ZNF804B: variants seen among roughly 807,000 people sequenced by gnomAD.
The protein encoded by ZNF804B is zinc finger protein 804B, also known as zinc finger 804B.
In ZNF804B, 80 loss-of-function variants were observed where a neutral mutation model predicts 101.4. That is an observed-to-expected ratio of 0.79 (90% confidence interval 0.66 to 0.95). The LOEUF (loss-of-function observed/expected upper bound fraction) is 0.95. ZNF804B is among the 40% of genes least tolerant of loss of function. The probability of loss-of-function intolerance (pLI) is 0.00; values close to 1 mark genes in which losing one functional copy is unlikely to be tolerated. For missense variants in ZNF804B, 1,673 were observed against 1,561.9 expected, an observed-to-expected ratio of 1.07 and a Z score of -1.20; for synonymous variants, 622 against 558.8, an observed-to-expected ratio of 1.11 and a Z score of -1.59.
chr7:89,285,080 A>G (rs1047218005), intron 2 of ZNF804B, among the ~76,000 whole-genome samples: 3 of 151,968 alleles, frequency 2.0e-5, no homozygotes. Flanking sequence ...ATAGCCAGGC[A>G]TGGTGGTGCA....
chr7:89,035,202 G>A (rs1292728799), intron 1 of ZNF804B, among the ~76,000 whole-genome samples: 2 of 152,014 alleles, frequency 1.3e-5, no homozygotes, highest in East Asian at 3.9e-4. Context: ...CCCACCTGCT[G>A]AAAAGAAAGA....
intron 1 of ZNF804B, among the ~76,000 whole-genome samples, chr7:88,800,990 C>A (rs12672498): frequency 6.1e-5 from 9 of 147,452 alleles, no homozygotes; most frequent in Non-Finnish European, 1.2e-4. Flanking sequence ...AAAGAAGAGG[C>A]TAACTCACAG....
At chr7:89,126,370 G>T (rs904972367) in intron 1 of ZNF804B, among the ~76,000 whole-genome samples, 1 of 151,858 alleles carries the variant, frequency 6.6e-6, no homozygotes, top group African/African-American at 2.4e-5. Context: ...GAATTACACC[G>T]TCTTGAGACT....
chr7:89,166,369 A>C (rs1791144037), intron 1 of ZNF804B, among the ~76,000 whole-genome samples: 1 of 152,320 alleles, frequency 6.6e-6, no homozygotes, highest in Non-Finnish European at 1.5e-5. Flanking sequence ...TACCAATAAC[A>C]ATATATTAAC....
intron 1 of ZNF804B, among the ~76,000 whole-genome samples, chr7:88,904,464 A>C (rs1247544086): frequency 6.6e-6 from 1 of 152,098 alleles, no homozygotes; most frequent in Non-Finnish European, 1.5e-5. Flanking sequence ...TGAATTAAAA[A>C]ATTTTTTTTC....
chr7:89,279,890 G>A (rs1790057237), intron 2 of ZNF804B, among the ~76,000 whole-genome samples: 2 of 152,074 alleles, frequency 1.3e-5, no homozygotes, highest in African/African-American at 4.8e-5. Flanking sequence ...ATTGAACTCA[G>A]CTCTGCACCA....
intron 1 of ZNF804B, among the ~76,000 whole-genome samples, chr7:88,868,431 A>G (rs989419634): frequency 5.3e-5 from 8 of 152,204 alleles, no homozygotes; most frequent in Admixed American, 3.3e-4. Flanking sequence ...CTCAACTGTT[A>G]TTCCTTAGTT....
chr7:89,307,999 TAATAA>T (rs1299541475), intron 2 of ZNF804B, among the ~76,000 whole-genome samples: 2 of 152,086 alleles, frequency 1.3e-5, no homozygotes, highest in African/African-American at 4.8e-5. Context: ...CAAATGTGCT[TAATAA>T]ATAGAGTTGT....
intron 1 of ZNF804B, among the ~76,000 whole-genome samples, chr7:88,902,956 CTT>C (rs1412082487): frequency 6.6e-6 from 1 of 151,936 alleles, no homozygotes; most frequent in Non-Finnish European, 1.5e-5. Flanking sequence ...AAAATTTCAA[CTT>C]TTATTTTACA....
In ZNF804B at chr7:89,055,172, G is replaced by A. The variant is rs758090116; in HGVS notation, c.109-162983G>A. Among the ~76,000 whole-genome samples, 41 of 152,104 alleles carry A rather than the reference G, an allele frequency of 2.7e-4. 1 individual carries two copies. Among genetic ancestry groups the A allele is most frequent in the Non-Finnish European group, 5.9e-4 (40 of 68,016 alleles). On this transcript the variant is annotated intron_variant, in intron 1 of 3. Transcript: ENST00000333190. ...GACTTGACCAAGAAAGTTCGGTTAT[G>A]GGGAAATCTGTGGCAGAGGGAAGAA...
At chr7:88,853,040 T>G (rs1234737643) in intron 1 of ZNF804B, among the ~76,000 whole-genome samples, 1 of 152,118 alleles carries the variant, frequency 6.6e-6, no homozygotes, top group Non-Finnish European at 1.5e-5. Context: ...GCTATACCCC[T>G]GCACTCTTCT....
At chr7:88,852,782 A>G (rs1791466452) in intron 1 of ZNF804B, among the ~76,000 whole-genome samples, 1 of 152,140 alleles carries the variant, frequency 6.6e-6, no homozygotes, top group Non-Finnish European at 1.5e-5. Context: ...GTAACTGCAA[A>G]TTCACACATC....
intron 1 of ZNF804B, among the ~76,000 whole-genome samples, chr7:89,002,903 T>C (rs1788309860): frequency 6.6e-6 from 1 of 152,010 alleles, no homozygotes; most frequent in African/African-American, 2.4e-5. Context: ...TTGAGTCTAT[T>C]GTGATAGAGA....
intron 1 of ZNF804B, among the ~76,000 whole-genome samples, chr7:88,955,098 TAAA>T (rs71686935): frequency 4.9e-5 from 7 of 142,096 alleles, no homozygotes; most frequent in Non-Finnish European, 7.6e-5. Flanking sequence ...TGTCTCTATT[TAAA>T]AAAAAAAAAA....
At chr7:89,293,236 TAATAC>T (rs1006820184) in intron 2 of ZNF804B, among the ~76,000 whole-genome samples, 2 of 152,122 alleles carry the variant, frequency 1.3e-5, no homozygotes, top group African/African-American at 4.8e-5. Flanking sequence ...TTGAAATGTA[TAATAC>T]GTTATTAATA....
chr7:89,104,733 C>A lies in ZNF804B; in HGVS notation c.109-113422C>A, dbSNP rs906462910. ...CCTTCTTGGGATGAGTCCTTTGATT[C>A]TCTGCTCTATCCTTCACTCTTCTCT... On this transcript the variant is annotated intron_variant, in intron 1 of 3. Coordinates refer to ENST00000333190, the MANE Select transcript of ZNF804B (RefSeq NM_181646.5). Among the ~76,000 whole-genome samples, 23 of 151,758 alleles carry A rather than the reference C, an allele frequency of 1.5e-4. No homozygotes were observed. The East Asian group carries it at 1.6e-3, about 10-fold the overall frequency.
At chr7:89,099,174 T>A (rs911952310) in intron 1 of ZNF804B, among the ~76,000 whole-genome samples, 1 of 151,872 alleles carries the variant, frequency 6.6e-6, no homozygotes, top group Admixed American at 6.6e-5. Flanking sequence ...ATTTTGGCTG[T>A]GATGATTTCA....
intron 1 of ZNF804B, among the ~76,000 whole-genome samples, chr7:88,958,598 C>T (rs1793346799): frequency 6.6e-6 from 1 of 151,424 alleles, no homozygotes; most frequent in Non-Finnish European, 1.5e-5. Flanking sequence ...AATGGCTGGC[C>T]ACCTTGTGGC....
chr7:89,308,685 A>G (rs1032290944), intron 2 of ZNF804B, among the ~76,000 whole-genome samples: 1 of 152,186 alleles, frequency 6.6e-6, no homozygotes, highest in Non-Finnish European at 1.5e-5. Flanking sequence ...CTGAACTAAC[A>G]AGAACAGGGT....
Sources: allele counts gnomAD v4.1 joint callset (sites outside exome capture counted in the v4.1 genomes callset), GRCh38; gene constraint gnomAD v4.1.1; transcripts MANE v1.5; gene names NCBI Gene and HGNC (gene_info 2026-07-23, HGNC 2026-07-21).